Variants in MDGA2 observed in about 807,000 individuals in gnomAD.
MDGA2 encodes the protein MAM domain-containing glycosylphosphatidylinositol anchor protein 2.
Under a neutral mutation model 117.8 loss-of-function variants are expected in MDGA2, and 40 were observed. The ratio of observed to expected loss-of-function variants is 0.34; its 90% CI spans 0.26 to 0.44. MDGA2 has a LOEUF of 0.44. Ranked by LOEUF, MDGA2 falls within the 20% of genes least tolerant of loss-of-function variation. The pLI, the probability that MDGA2 is intolerant of heterozygous loss-of-function variation, is 1.00. For missense variants in MDGA2, 1,123 were observed against 1,250.6 expected (o/e 0.90, Z 1.54); for synonymous variants, 452 against 439.0 (o/e 1.03, Z -0.37).
At chr14:47,156,536 C>G in intron 3 of MDGA2, among the ~76,000 whole-genome samples, 1 of 152,150 alleles carries the variant, frequency 6.6e-6, no homozygotes, top group East Asian at 1.9e-4. Context: ...CAGTTATTAA[C>G]TGCGACTGAA....
intron 5 of MDGA2, among the ~76,000 whole-genome samples, chr14:47,107,109 G>A (rs1244680987): frequency 2.1e-5 from 3 of 146,076 alleles, no homozygotes; most frequent in East Asian, 2.0e-4. Context: ...CCTCCTTGGC[G>A]ACCGATCATG....
At chr14:46,889,016 C>A (rs1353290636) in intron 10 of MDGA2, among the ~76,000 whole-genome samples, 8 of 151,908 alleles carry the variant, frequency 5.3e-5, no homozygotes, top group Admixed American at 5.3e-4. Flanking sequence ...AATAAGAAAT[C>A]AGGAAGATGA....
chr14:46,947,126 A>C (rs1885197776), intron 9 of MDGA2, among the ~76,000 whole-genome samples: 1 of 152,014 alleles, frequency 6.6e-6, no homozygotes, highest in Non-Finnish European at 1.5e-5. Flanking sequence ...TTTTAAAATT[A>C]TCTTTGTAAG....
intron 3 of MDGA2, among the ~76,000 whole-genome samples, chr14:47,167,520 G>GT (rs1460760322): frequency 2.0e-5 from 3 of 151,992 alleles, no homozygotes; most frequent in Non-Finnish European, 4.4e-5. Flanking sequence ...TAGCAGTAGT[G>GT]TTTTTTTCAC....
At chr14:47,141,557 G>A (rs1882719185) in intron 4 of MDGA2, among the ~76,000 whole-genome samples, 1 of 152,152 alleles carries the variant, frequency 6.6e-6, no homozygotes, top group Admixed American at 6.5e-5. Flanking sequence ...TGATGGGTCT[G>A]TCCCAGAGCC....
intron 1 of MDGA2, among the ~76,000 whole-genome samples, chr14:47,573,378 T>C (rs903041820): frequency 1.3e-5 from 2 of 152,176 alleles, no homozygotes; most frequent in African/African-American, 4.8e-5. Flanking sequence ...ATCAGCCACA[T>C]TATAATCTTT....
At chr14:47,553,994 C>T (rs1307377620) in intron 1 of MDGA2, among the ~76,000 whole-genome samples, 3 of 152,122 alleles carry the variant, frequency 2.0e-5, no homozygotes, top group Non-Finnish European at 4.4e-5. Flanking sequence ...TTAATCCTTC[C>T]TCCTTTCCCC....
At chr14:46,946,762 C>T (rs1885183920) in intron 9 of MDGA2, among the ~76,000 whole-genome samples, 1 of 151,988 alleles carries the variant, frequency 6.6e-6, no homozygotes, top group African/African-American at 2.4e-5. Flanking sequence ...AGAATTTTCT[C>T]TTTTACCCCT....
intron 1 of MDGA2, among the ~76,000 whole-genome samples, chr14:47,531,791 A>T (rs1181958939): frequency 6.6e-6 from 1 of 152,244 alleles, no homozygotes; most frequent in Non-Finnish European, 1.5e-5. Flanking sequence ...TTCTTATTTG[A>T]AGCACTTATT....
At chr14:47,455,147 T>C (rs1893321966) in intron 1 of MDGA2, among the ~76,000 whole-genome samples, 1 of 152,188 alleles carries the variant, frequency 6.6e-6, no homozygotes, top group Non-Finnish European at 1.5e-5. Flanking sequence ...AACATTTCTG[T>C]TGTACAAAAT....
At chr14:47,224,693 T>G (rs1278868996) in intron 2 of MDGA2, among the ~76,000 whole-genome samples, 1 of 152,164 alleles carries the variant, frequency 6.6e-6, no homozygotes, top group Admixed American at 6.6e-5. Flanking sequence ...TCACCTGATC[T>G]GCTATAATTA....
At chr14:47,189,527 T>TA (rs913633911) in intron 3 of MDGA2, among the ~76,000 whole-genome samples, 9 of 151,296 alleles carry the variant, frequency 5.9e-5, no homozygotes, top group South Asian at 2.1e-4. Context: ...TATTCCTCCT[T>TA]AAAAAAAAAT....
intron 1 of MDGA2, among the ~76,000 whole-genome samples, chr14:47,349,657 A>G (rs4144658): frequency 0.046 from 7,012 of 152,332 alleles, 389 homozygotes; most frequent in East Asian, 0.15. Context: ...TTTTTTAAAA[A>G]AAACATGAAT....
At chr14:47,049,348 T>C (rs1889373711) in intron 7 of MDGA2, among the ~76,000 whole-genome samples, 1 of 152,076 alleles carries the variant, frequency 6.6e-6, no homozygotes, top group African/African-American at 2.4e-5. Context: ...CTGTAGGTTT[T>C]CAAGTCCCTT....
intron 1 of MDGA2, among the ~76,000 whole-genome samples, chr14:47,521,860 C>G (rs191569629): frequency 1.3e-5 from 2 of 151,684 alleles, no homozygotes; most frequent in African/African-American, 4.8e-5. Flanking sequence ...TTAGTAGAGA[C>G]GAGGTTTCAC....
At chr14:47,355,567 GCA>G (rs1890975956) in intron 1 of MDGA2, among the ~76,000 whole-genome samples, 1 of 150,782 alleles carries the variant, frequency 6.6e-6, no homozygotes, top group African/African-American at 2.4e-5. Context: ...TGCAGGCTTT[GCA>G]CTCTCTAGGT....
chr14:46,911,546 TTAAC>T (rs1883705174), intron 10 of MDGA2, among the ~76,000 whole-genome samples: 1 of 152,180 alleles, frequency 6.6e-6, no homozygotes, highest in Admixed American at 6.5e-5. Context: ...TTAAGAAACT[TTAAC>T]TACAACTGAA....
chr14:47,161,111 T>C (rs1425954391), intron 3 of MDGA2, among the ~76,000 whole-genome samples: 3 of 152,302 alleles, frequency 2.0e-5, no homozygotes, highest in African/African-American at 7.2e-5. Flanking sequence ...TTTTTAAAAA[T>C]TTCTAGCTGT....
At chr14:46,985,937 G>GA (rs1247281841) in intron 8 of MDGA2, among the ~76,000 whole-genome samples, 23 of 151,906 alleles carry the variant, frequency 1.5e-4, no homozygotes, top group Middle Eastern at 3.4e-3. Flanking sequence ...TTTTTTCTAG[G>GA]AAAAAGACAC....
Sources: gnomAD v4.1 joint callset for allele counts (sites outside exome capture counted in the v4.1 genomes callset) on GRCh38, gnomAD v4.1.1 for gene constraint, MANE v1.5 for transcripts, NCBI Gene and HGNC (gene_info 2026-07-23, HGNC 2026-07-21) for gene names.